BMPR1B: variants seen among roughly 807,000 people sequenced by gnomAD.
The protein encoded by BMPR1B is bone morphogenetic protein receptor type 1B.
BMPR1B carries 12 observed loss-of-function variants against 59.1 expected under a neutral mutation model. That is an observed-to-expected ratio of 0.20 (90% CI 0.13 to 0.33). BMPR1B has a LOEUF of 0.33. Among genes scored for constraint, BMPR1B ranks in the 10% least tolerant of loss-of-function variants. The pLI, the probability that BMPR1B is intolerant of heterozygous loss-of-function variation, is 1.00. For synonymous variants in BMPR1B, 237 were observed against 207.3 expected, an observed-to-expected ratio of 1.14 and a Z score of -1.23; for missense variants, 550 against 610.9, an observed-to-expected ratio of 0.90 and a Z score of 1.05.
intron 3 of BMPR1B, among the ~76,000 whole-genome samples, chr4:95,057,063 A>G (rs754812439): frequency 1.3e-5 from 2 of 152,158 alleles, no homozygotes; most frequent in Admixed American, 6.5e-5. Flanking sequence ...TAAGCTTCTC[A>G]GAAGAACAAA....
At chr4:94,766,658 ACT>A (rs1721981768) in intron 1 of BMPR1B, among the ~76,000 whole-genome samples, 2 of 151,276 alleles carry the variant, frequency 1.3e-5, no homozygotes, top group South Asian at 2.1e-4. Context: ...AAAATCAGTC[ACT>A]CTTTTTTTAA....
intron 2 of BMPR1B, among the ~76,000 whole-genome samples, chr4:94,912,383 T>A (rs1296488407): frequency 6.6e-6 from 1 of 152,104 alleles, no homozygotes; most frequent in Non-Finnish European, 1.5e-5. Context: ...TGGGCCTGGC[T>A]CCATGTTTTG....
intron 1 of BMPR1B, among the ~76,000 whole-genome samples, chr4:94,771,801 G>A (rs530675398): frequency 7.9e-5 from 12 of 152,254 alleles, no homozygotes; most frequent in Admixed American, 2.0e-4. Flanking sequence ...GAACTAGATA[G>A]CCCAGGTAAC....
chr4:94,951,851 C>A (rs964325365), intron 2 of BMPR1B, among the ~76,000 whole-genome samples: 1 of 152,090 alleles, frequency 6.6e-6, no homozygotes, highest in Non-Finnish European at 1.5e-5. Flanking sequence ...CTTCTTTTTA[C>A]CTCTGGAAGA....
At chr4:94,972,426 G>A (rs1259240571) in intron 2 of BMPR1B, among the ~76,000 whole-genome samples, 1 of 151,890 alleles carries the variant, frequency 6.6e-6, no homozygotes, top group Non-Finnish European at 1.5e-5. Flanking sequence ...TACAACCACA[G>A]ATAACATTTT....
chr4:94,768,463 C>T (rs1198909328), intron 1 of BMPR1B, among the ~76,000 whole-genome samples: 1 of 152,120 alleles, frequency 6.6e-6, no homozygotes, highest in Non-Finnish European at 1.5e-5. Flanking sequence ...TAGGAATGTT[C>T]ATTTGCATTC....
chr4:95,078,209 AG>A (rs1171619334), intron 3 of BMPR1B, among the ~76,000 whole-genome samples: 9 of 152,356 alleles, frequency 5.9e-5, no homozygotes, highest in African/African-American at 2.2e-4. Context: ...TAGTACCAGT[AG>A]GTATTACCAG....
At chr4:94,812,670 G>A (rs1166297029) in intron 1 of BMPR1B, among the ~76,000 whole-genome samples, 1 of 152,160 alleles carries the variant, frequency 6.6e-6, no homozygotes, top group African/African-American at 2.4e-5. Context: ...GACTAGAGAC[G>A]GAGGAGAGAG....
intron 4 of BMPR1B, among the ~76,000 whole-genome samples, chr4:95,107,001 T>G (rs2149268370): frequency 6.6e-6 from 1 of 152,088 alleles, no homozygotes; most frequent in Non-Finnish European, 1.5e-5. Flanking sequence ...GAGTAATCTT[T>G]TAAGGCTTCT....
chr4:95,102,705 A>G (rs1730908929), intron 3 of BMPR1B, among the ~76,000 whole-genome samples: 1 of 152,140 alleles, frequency 6.6e-6, no homozygotes, highest in Admixed American at 6.6e-5. Context: ...AATGGCTTTC[A>G]AGATAAGGCA....
chr4:95,095,403 A>G (rs930565285), intron 3 of BMPR1B, among the ~76,000 whole-genome samples: 5 of 152,152 alleles, frequency 3.3e-5, no homozygotes, highest in African/African-American at 1.2e-4. Flanking sequence ...TAACGGTACA[A>G]ATAGCTGTAG....
At chr4:94,884,889 A>G (rs1468380496) in intron 2 of BMPR1B, among the ~76,000 whole-genome samples, 1 of 152,170 alleles carries the variant, frequency 6.6e-6, no homozygotes. Context: ...CAGCAGAAGT[A>G]ATGGTGTACC....
chr4:94,902,249 CAGAGAGAGAGAGAGAG>C lies in BMPR1B; in HGVS notation c.-113+26379_-113+26394del, dbSNP rs142124519. Reference sequence around the variant, plus strand: ...ACACACACACACACACACACACACACAGAGAGAGAGAGAGAGAGAGAGAGAGAGAGAGAGAGAGAGA... The same window carrying C: ...ACACACACACACACACACACACACACAGAGAGAGAGAGAGAGAGAGAGAGA... On this transcript the variant is annotated intron_variant, in intron 2 of 12. Coordinates refer to ENST00000515059, the MANE Select transcript of BMPR1B (RefSeq NM_001203.3). 9.5e-3 allele frequency among the ~76,000 whole-genome samples: 658 copies of C among 68,986 alleles called. 13 individuals are homozygous for C. The highest frequency in any genetic ancestry group is 0.029 in the African/African-American group (523 of 17,932). The allele number at this position is 68,986 out of a possible 152,430, so 45.3% of individuals were successfully genotyped here. A position where few individuals can be genotyped will look rare whatever the true frequency, so the allele number is the denominator to read the frequency against.
chr4:94,934,889 T>C (rs2149037744), intron 2 of BMPR1B, among the ~76,000 whole-genome samples: 1 of 152,228 alleles, frequency 6.6e-6, no homozygotes, highest in South Asian at 2.1e-4. Context: ...CATTATTTAA[T>C]CCAAATATGA....
At chr4:94,776,211 G>T (rs1032308244) in intron 1 of BMPR1B, among the ~76,000 whole-genome samples, 1 of 151,800 alleles carries the variant, frequency 6.6e-6, no homozygotes, top group Admixed American at 6.6e-5. Context: ...ATAATTTTGA[G>T]GTATAAGTTA....
chr4:94,764,147 T>C (rs1721877495), intron 1 of BMPR1B, among the ~76,000 whole-genome samples: 1 of 152,188 alleles, frequency 6.6e-6, no homozygotes, highest in South Asian at 2.1e-4. Flanking sequence ...ATGTCAGATA[T>C]ATTTTGGTTG....
At chr4:95,119,408 G>A (rs1732310841) in intron 6 of BMPR1B, among the ~76,000 whole-genome samples, 1 of 152,094 alleles carries the variant, frequency 6.6e-6, no homozygotes. Flanking sequence ...AGAGAGGGAG[G>A]AATGGAGGAA....
intron 10 of BMPR1B, among the ~76,000 whole-genome samples, chr4:95,136,159 C>G (rs1202351951): frequency 6.6e-6 from 1 of 151,882 alleles, no homozygotes; most frequent in Non-Finnish European, 1.5e-5. Flanking sequence ...AATTAATAGC[C>G]TACCAACCAA....
At chr4:95,083,749 C>G (rs1355869076) in intron 3 of BMPR1B, among the ~76,000 whole-genome samples, 2 of 152,186 alleles carry the variant, frequency 1.3e-5, no homozygotes, top group African/African-American at 4.8e-5. Context: ...TGGTTTACCA[C>G]TCTATAACCA....
Sources: allele counts gnomAD v4.1 joint callset (sites outside exome capture counted in the v4.1 genomes callset), GRCh38; gene constraint gnomAD v4.1.1; transcripts MANE v1.5; gene names NCBI Gene and HGNC (gene_info 2026-07-23, HGNC 2026-07-21).